NECAB3: variants seen among roughly 807,000 people sequenced by gnomAD.
The protein encoded by NECAB3 is N-terminal EF-hand calcium binding protein 3, also known as N-terminal EF-hand calcium-binding protein 3.
In NECAB3, 38 loss-of-function variants were observed where a neutral mutation model predicts 57.2. The ratio of observed to expected loss-of-function variants is 0.66; its 90% CI spans 0.51 to 0.87. NECAB3 has a LOEUF of 0.87. NECAB3 is among the 40% of genes least tolerant of loss of function. The pLI, the probability that NECAB3 is intolerant of heterozygous loss-of-function variation, is 0.00. For missense variants in NECAB3, 474 were observed against 527.5 expected (o/e 0.90, Z 0.99); for synonymous variants, 223 against 222.6 (o/e 1.00, Z -0.02).
In NECAB3 at chr20:33,659,578, C is replaced by T; in HGVS notation, c.798G>A (p.Arg266=). ...GTGAGGGCACAGAGTGTGGGCCGGGCCTCCAGCATGGGCCTGGCTCTGGTG... is the reference window on the plus strand; with the variant it reads ...GTGAGGGCACAGAGTGTGGGCCGGGTCTCCAGCATGGGCCTGGCTCTGGTG... The part of the protein sequence containing the change: ...WYPPEPGPCW[R]PGPHSVPSQA... The change falls in exon 8 of 12, where the codon AGG becomes AGA. Residue 266 remains arginine (R), a synonymous_variant. Transcript: ENST00000246190. 1 of 1,595,278 alleles carries T rather than the reference C, an allele frequency of 6.3e-7. No individual in the cohort carries two copies. Among genetic ancestry groups the T allele is most frequent in the Admixed American group, 1.7e-5 (1 of 58,408 alleles).
intron 5 of NECAB3, chr20:33,663,232 T>A (rs1674487331): frequency 2.1e-6 from 1 of 467,286 alleles, no homozygotes; most frequent in African/African-American, 2.1e-5. Flanking sequence ...GCCCCTGACA[T>A]AGGGCCTGGA....
In NECAB3 at chr20:33,672,424, T is replaced by TA; in HGVS notation, c.130-3dup. 1 of 1,614,142 alleles carries TA rather than the reference T, an allele frequency of 6.2e-7. No homozygotes were observed. ...ATTCTTGTCTGCTCTGCGGAAAACC[T>TA]AGAGGACAAAGGGACATAGAGAGAA... On this transcript the variant is annotated splice_polypyrimidine_tract_variant and splice_region_variant and intron_variant, in intron 1 of 11. Transcript: ENST00000246190.
intron 5 of NECAB3, chr20:33,669,125 C>G (rs1287355617): frequency 7.6e-6 from 4 of 528,774 alleles, no homozygotes; most frequent in African/African-American, 5.8e-5. Flanking sequence ...CAGAATAAAA[C>G]AGACAAAAAT....
intron 5 of NECAB3, chr20:33,667,572 CGT>C (rs2017704220): frequency 6.4e-7 from 1 of 1,559,446 alleles, no homozygotes; most frequent in Non-Finnish European, 8.7e-7. Flanking sequence ...CGGGCGCGGG[CGT>C]GTGCCACGCC....
At chr20:33,658,155 G>T in intron 10 of NECAB3, 122 bp from the exon 11 acceptor site, 2 of 859,848 alleles carry the variant, frequency 2.3e-6, no homozygotes, top group Non-Finnish European at 3.6e-6. Context: ...CCTGTGACAC[G>T]GGGAAGCTGT....
Position 33,660,203 on chromosome 20 carries a change from G to T in NECAB3, c.524+56C>A. 1 of 1,586,534 alleles carries T rather than the reference G, an allele frequency of 6.3e-7. No individual in the cohort carries two copies. The highest frequency in any genetic ancestry group is 1.1e-5 in the South Asian group (1 of 89,924). Reference sequence around the variant, plus strand: ...GCTGGGACTGTGGGGATTTGGAATGGGGGTACAATGGGCGCTTGTGCACTA... The same window carrying T: ...GCTGGGACTGTGGGGATTTGGAATGTGGGTACAATGGGCGCTTGTGCACTA... On this transcript the variant is annotated intron_variant, in intron 6 of 11. Coordinates refer to ENST00000246190, the MANE Select transcript of NECAB3 (RefSeq NM_031232.4). The surrounding 1 kb of genome is among the most constrained non-coding windows in gnomAD (Gnocchi z 4.1).
rs1259158217 is a variant in NECAB3 at position 33,672,385 on chromosome 20, A to G, written c.154+13T>C. ...CCTGCCCCACTGTGGGACCCAGGGG[A>G]AGCCACACTCACCATTCTTGTCTGC... is the stretch of plus-strand genomic sequence containing the variant. On this transcript the variant is annotated intron_variant, in intron 2 of 11. Coordinates refer to ENST00000246190, the MANE Select transcript of NECAB3 (RefSeq NM_031232.4). 6.2e-7 allele frequency: 1 copy of G among 1,614,098 alleles called. No individual in the cohort carries two copies. The highest frequency in any genetic ancestry group is 8.5e-7 in the Non-Finnish European group (1 of 1,180,000).
At position 33,657,489 on chromosome 20, in the gene NECAB3, C is replaced by T. The variant is rs1009799187; in HGVS notation, c.*340G>A. 8.9e-6 allele frequency: 3 copies of T among 338,322 alleles called. No individual in the cohort carries two copies. Among genetic ancestry groups the T allele is most frequent in the East Asian group, 4.5e-5 (1 of 22,382 alleles). 21.0% of individuals were successfully genotyped at this position (338,322 alleles called of 1,614,324 possible). ...GGAAGAAAGCAGGACCCTCGCTAGG[C>T]GGCCAGATGGCCTGAGGCCCACCCA... On this transcript the variant is annotated 3_prime_UTR_variant, in exon 12 of 12. Coordinates refer to ENST00000246190, the MANE Select transcript of NECAB3 (RefSeq NM_031232.4).
intron 5 of NECAB3, chr20:33,663,235 G>C (rs1352630700): frequency 2.1e-6 from 1 of 478,166 alleles, no homozygotes; most frequent in Non-Finnish European, 3.7e-6. Context: ...CCTGACATAG[G>C]GCCTGGAAGG....
At chr20:33,665,869 G>A (rs139525491) in intron 5 of NECAB3, among the ~76,000 whole-genome samples, 3 of 152,266 alleles carry the variant, frequency 2.0e-5, no homozygotes, top group African/African-American at 7.2e-5. Flanking sequence ...GATCACCTGA[G>A]GTCAGGAGTT....
intron 3 of NECAB3, 118 bp from the exon 4 acceptor site, chr20:33,669,830 G>T: frequency 9.1e-7 from 1 of 1,101,072 alleles, no homozygotes; most frequent in Non-Finnish European, 1.3e-6. Context: ...GGCCACTTCT[G>T]CTCCACCCCA....
chr20:33,674,101 C>T, intron 1 of NECAB3, 123 bp downstream of exon 1: 1 of 1,051,784 alleles, frequency 9.5e-7, no homozygotes, highest in African/African-American at 1.7e-5. Flanking sequence ...CAAGAGAAAA[C>T]AGCAGGGCCA....
Position 33,672,398 on chromosome 20 carries a change from C to A in NECAB3, c.154G>T (p.Asp52Tyr). The A allele has an allele frequency of 6.2e-7, 1 of 1,614,222 alleles. No homozygotes were observed. The highest frequency in any genetic ancestry group is 8.5e-7 in the Non-Finnish European group (1 of 1,180,026). ...GGGACCCAGGGGAAGCCACACTCAC[C>A]ATTCTTGTCTGCTCTGCGGAAAACC... ...QDVFRRADKN[D>Y]DGKLSFEEFQ... Residue 52 changes from aspartate to tyrosine, a missense_variant and splice_region_variant, in exon 2 of 12, where the codon GAT (aspartate) becomes TAT (tyrosine). Coordinates refer to ENST00000246190, the MANE Select transcript of NECAB3 (RefSeq NM_031232.4).
Position 33,658,134 on chromosome 20 carries a change from C to T in NECAB3, c.1071-101G>A, listed in dbSNP as rs530422427. The T allele has an allele frequency of 3.6e-5, 37 of 1,033,476 alleles. No individual in the cohort carries two copies. The East Asian group carries it at 9.1e-4, about 25-fold the overall frequency. 64.0% of individuals were successfully genotyped at this position (1,033,476 alleles called of 1,614,324 possible). On this transcript the variant is annotated intron_variant, in intron 10 of 11. Transcript: ENST00000246190. ...CCTTCTCACACTGCCTCTGGAGCCTCAGTCCTCTCCCCTGTGACACGGGGA... is the reference window on the plus strand; with the variant it reads ...CCTTCTCACACTGCCTCTGGAGCCTTAGTCCTCTCCCCTGTGACACGGGGA...
chr20:33,662,094 A>C, intron 5 of NECAB3: 1 of 390,880 alleles, frequency 2.6e-6, no homozygotes, highest in South Asian at 4.4e-5. Flanking sequence ...CAAACCACAG[A>C]AATCCCCCTC....
At chr20:33,661,162 C>T (rs2017464363) in intron 5 of NECAB3, among the ~76,000 whole-genome samples, 1 of 152,208 alleles carries the variant, frequency 6.6e-6, no homozygotes, top group South Asian at 2.1e-4. Context: ...GCATAGGACT[C>T]AGCCCAGGGT....
At chr20:33,664,516 T>C in intron 5 of NECAB3, 1 of 174,934 alleles carries the variant, frequency 5.7e-6, no homozygotes, top group Admixed American at 5.6e-5. Flanking sequence ...TCCCATCTCC[T>C]TCCCCACGTG....
chr20:33,664,195 C>T (rs1230497343), intron 5 of NECAB3: 1 of 310,438 alleles, frequency 3.2e-6, no homozygotes, highest in East Asian at 5.5e-5. Context: ...TTGGGCAAAC[C>T]CAGGCTTGGC....
At chr20:33,663,658 G>T in intron 5 of NECAB3, 9 of 1,589,700 alleles carry the variant, frequency 5.7e-6, no homozygotes, top group Non-Finnish European at 7.7e-6. Flanking sequence ...CGGAGCGGGC[G>T]AAGGTAGCGA....
Sources: allele counts gnomAD v4.1 joint callset (sites outside exome capture counted in the v4.1 genomes callset), GRCh38; gene constraint gnomAD v4.1.1; non-coding constraint Gnocchi (gnomAD v3.1); transcripts MANE v1.5; gene names NCBI Gene and HGNC (gene_info 2026-07-23, HGNC 2026-07-21).